Variants in MAD1L1 observed in about 807,000 individuals in gnomAD.
MAD1L1 encodes mitotic arrest deficient 1 like 1, also known as mitotic spindle assembly checkpoint protein MAD1.
In MAD1L1, 95 loss-of-function variants were observed where a neutral mutation model predicts 96.9. The ratio of observed to expected loss-of-function variants is 0.98; its 90% confidence interval spans 0.83 to 1.16. MAD1L1 has a LOEUF of 1.16. MAD1L1 is among the 50% of genes most tolerant of loss of function. The pLI, the probability that MAD1L1 is intolerant of heterozygous loss-of-function variation, is 0.00. For missense variants in MAD1L1, 1,007 were observed against 954.4 expected, an observed-to-expected ratio of 1.06 and a Z score of -0.73; for synonymous variants, 473 against 396.6, an observed-to-expected ratio of 1.19 and a Z score of -2.29.
At chr7:1,959,396 A>G (rs1460386175) in intron 15 of MAD1L1, among the ~76,000 whole-genome samples, 1 of 152,234 alleles carries the variant, frequency 6.6e-6, no homozygotes, top group East Asian at 1.9e-4. Context: ...AAGCGACGGG[A>G]CAAATACTAT....
chr7:1,920,562 G>A (rs891117054), intron 17 of MAD1L1, among the ~76,000 whole-genome samples: 1 of 152,216 alleles, frequency 6.6e-6, no homozygotes, highest in African/African-American at 2.4e-5. Context: ...GTGTGGGGTG[G>A]GCGGGGATGA....
chr7:1,950,508 G>A (rs748488008), intron 16 of MAD1L1, among the ~76,000 whole-genome samples: 2 of 152,220 alleles, frequency 1.3e-5, no homozygotes, highest in African/African-American at 2.4e-5. Flanking sequence ...TCTGCGGAGG[G>A]CGACTTGTAA....
chr7:2,024,757 G>T (rs1031184296), intron 12 of MAD1L1, among the ~76,000 whole-genome samples: 25 of 152,084 alleles, frequency 1.6e-4, no homozygotes, highest in African/African-American at 5.8e-4. Context: ...CCAGCCCTGG[G>T]TTCAGCCAGA....
intron 17 of MAD1L1, among the ~76,000 whole-genome samples, chr7:1,936,188 G>A (rs146832720): frequency 1.6e-3 from 248 of 152,362 alleles, no homozygotes; most frequent in Admixed American, 3.5e-3. Context: ...GGGATAGGCT[G>A]GCGTTCCAAA....
At chr7:1,880,344 C>T (rs933050203) in intron 18 of MAD1L1, among the ~76,000 whole-genome samples, 17 of 152,160 alleles carry the variant, frequency 1.1e-4, no homozygotes, top group Admixed American at 7.9e-4. Context: ...GATGTCTCTG[C>T]AGGGCCCCCA....
chr7:1,989,120 G>A (rs763806159), intron 14 of MAD1L1, among the ~76,000 whole-genome samples: 18 of 152,262 alleles, frequency 1.2e-4, no homozygotes, highest in Non-Finnish European at 2.4e-4. Flanking sequence ...AGACAGATGC[G>A]TGGCTGATAA....
chr7:2,047,061 G>C (rs1309901185), intron 12 of MAD1L1, among the ~76,000 whole-genome samples: 3 of 152,202 alleles, frequency 2.0e-5, no homozygotes, highest in African/African-American at 4.8e-5. Flanking sequence ...GGGTTGAACT[G>C]TTTACTGCGT....
At chr7:1,933,188 T>C (rs1789578956) in intron 17 of MAD1L1, among the ~76,000 whole-genome samples, 1 of 152,210 alleles carries the variant, frequency 6.6e-6, no homozygotes, top group Non-Finnish European at 1.5e-5. Flanking sequence ...TGACAATCCC[T>C]GGGTATCAGC....
chr7:1,950,034 G>A (rs1217831842), intron 16 of MAD1L1, among the ~76,000 whole-genome samples: 1 of 152,208 alleles, frequency 6.6e-6, no homozygotes, highest in East Asian at 1.9e-4. Flanking sequence ...TCAGCAGTGG[G>A]TCCCTGGGCA....
At chr7:2,046,155 G>A (rs558029320) in intron 12 of MAD1L1, among the ~76,000 whole-genome samples, 2 of 152,292 alleles carry the variant, frequency 1.3e-5, no homozygotes, top group African/African-American at 4.8e-5. Flanking sequence ...TGGTGGCGCA[G>A]GCCCCACGCC....
chr7:1,853,477 G>C (rs1326736866), intron 18 of MAD1L1, among the ~76,000 whole-genome samples: 1 of 152,164 alleles, frequency 6.6e-6, no homozygotes, highest in African/African-American at 2.4e-5. Flanking sequence ...ACAGACAGAA[G>C]CAGGTGACAG....
chr7:2,046,983 G>A (rs1360964324), intron 12 of MAD1L1, among the ~76,000 whole-genome samples: 1 of 152,226 alleles, frequency 6.6e-6, no homozygotes, highest in Non-Finnish European at 1.5e-5. Flanking sequence ...GGAAACTGGA[G>A]GATCAGTAAT....
At chr7:2,033,432 C>T (rs2128507446) in intron 12 of MAD1L1, among the ~76,000 whole-genome samples, 1 of 152,366 alleles carries the variant, frequency 6.6e-6, no homozygotes, top group Middle Eastern at 3.4e-3. Context: ...GACCAGCACG[C>T]TTCGCCACAC....
At chr7:1,861,127 T>A (rs1784524087) in intron 18 of MAD1L1, among the ~76,000 whole-genome samples, 1 of 152,012 alleles carries the variant, frequency 6.6e-6, no homozygotes, top group African/African-American at 2.4e-5. Flanking sequence ...GACAACTGCC[T>A]CCATATTCAA....
intron 13 of MAD1L1, among the ~76,000 whole-genome samples, chr7:2,003,858 G>A (rs190929095): frequency 1.3e-5 from 2 of 152,176 alleles, no homozygotes; most frequent in Non-Finnish European, 1.5e-5. Flanking sequence ...AGGCCTAGGA[G>A]CAGCACACTG....
At chr7:2,061,821 G>A (rs990995663) in intron 12 of MAD1L1, among the ~76,000 whole-genome samples, 1 of 152,224 alleles carries the variant, frequency 6.6e-6, no homozygotes, top group Non-Finnish European at 1.5e-5. Context: ...AAACTTAACA[G>A]AGTAATTAAG....
In MAD1L1 at chr7:1,816,616, C is replaced by G. The variant is rs112021276; in HGVS notation, c.1999-388G>C. ...CCTGGGCAAGTCCTGCAACGCCTTC[C>G]ACACTGCCTGGGCCCCATGACCTAG... On this transcript the variant is annotated intron_variant, in intron 18 of 18. Coordinates refer to ENST00000265854, the MANE Select transcript of MAD1L1 (RefSeq NM_001013836.2). Among the ~76,000 whole-genome samples, 247 of 152,236 alleles carry G rather than the reference C, an allele frequency of 1.6e-3. 2 individuals are homozygous for G. The highest frequency in any genetic ancestry group is 5.8e-3 in the African/African-American group (240 of 41,556).
chr7:1,922,687 AGGGAAGGCCTCTGCCTGAGTC>A (rs1788866822), intron 17 of MAD1L1, among the ~76,000 whole-genome samples: 1 of 152,160 alleles, frequency 6.6e-6, no homozygotes, highest in South Asian at 2.1e-4. Flanking sequence ...AGGCGGTGAG[AGGGAAGGCCTCTGCCTGAGTC>A]GGCGTTTCCC....
chr7:1,829,351 C>T (rs1255763762), intron 18 of MAD1L1: 1 of 152,296 alleles, frequency 6.6e-6, no homozygotes, highest in Non-Finnish European at 1.5e-5. Flanking sequence ...TCTGACCCGC[C>T]AGCTGCCATG....
Sources: allele counts gnomAD v4.1 joint callset (sites outside exome capture counted in the v4.1 genomes callset), GRCh38; gene constraint gnomAD v4.1.1; transcripts MANE v1.5; gene names NCBI Gene and HGNC (gene_info 2026-07-23, HGNC 2026-07-21).